Variants in SLC14A2 observed in about 807,000 individuals in gnomAD.
SLC14A2 encodes urea transporter 2.
A neutral mutation model predicts 104.6 loss-of-function variants in SLC14A2; 91 were observed. The ratio of observed to expected loss-of-function variants is 0.87; its 90% confidence interval spans 0.73 to 1.04. SLC14A2 has a LOEUF of 1.04. SLC14A2 is among the 50% of genes least tolerant of loss of function. The pLI, the probability that SLC14A2 is intolerant of heterozygous loss-of-function variation, is 0.00. For synonymous variants in SLC14A2, 476 were observed against 466.4 expected (o/e 1.02, Z -0.27); for missense variants, 1,189 against 1,156.0 (o/e 1.03, Z -0.41).
intron 2 of SLC14A2, among the ~76,000 whole-genome samples, chr18:45,607,951 T>C (rs1389252150): frequency 6.6e-6 from 1 of 152,200 alleles, no homozygotes; most frequent in Non-Finnish European, 1.5e-5. Context: ...GACACAAGAG[T>C]GCCTCTCAGT....
chr18:45,452,292 C>T (rs529017930), intron 1 of SLC14A2, among the ~76,000 whole-genome samples: 2 of 152,262 alleles, frequency 1.3e-5, no homozygotes, highest in East Asian at 3.9e-4. Context: ...GTACTAACAA[C>T]CCAAAATACA....
chr18:45,653,942 C>A (rs2045784851), intron 10 of SLC14A2, among the ~76,000 whole-genome samples: 1 of 152,146 alleles, frequency 6.6e-6, no homozygotes, highest in African/African-American at 2.4e-5. Flanking sequence ...GCTTTAAAGG[C>A]AAATGCTGGA....
intron 1 of SLC14A2, among the ~76,000 whole-genome samples, chr18:45,311,349 C>T (rs1019726457): frequency 3.3e-5 from 5 of 152,186 alleles, no homozygotes; most frequent in African/African-American, 1.2e-4. Flanking sequence ...CACATTTAAT[C>T]CTCTCAGTCA....
intron 1 of SLC14A2, among the ~76,000 whole-genome samples, chr18:45,296,841 G>A (rs1012776863): frequency 2.9e-5 from 4 of 136,310 alleles, no homozygotes; most frequent in Non-Finnish European, 4.7e-5. Context: ...AAAAATGTCA[G>A]TCTCTGCTGG....
At chr18:45,223,512 T>C (rs557442979) in intron 1 of SLC14A2, among the ~76,000 whole-genome samples, 1 of 152,298 alleles carries the variant, frequency 6.6e-6, no homozygotes, top group East Asian at 1.9e-4. Context: ...TACTAATGGA[T>C]AGTCAGAGAG....
At chr18:45,381,861 G>A (rs1427266113) in intron 1 of SLC14A2, among the ~76,000 whole-genome samples, 7 of 152,112 alleles carry the variant, frequency 4.6e-5, no homozygotes, top group Admixed American at 6.5e-5. Context: ...CAGTGGCAGC[G>A]GGCTGGACAG....
At chr18:45,344,970 A>G (rs1481038741) in intron 1 of SLC14A2, among the ~76,000 whole-genome samples, 1 of 152,184 alleles carries the variant, frequency 6.6e-6, no homozygotes, top group African/African-American at 2.4e-5. Flanking sequence ...TTCCCAAGGA[A>G]TTTCCCTCAC....
intron 2 of SLC14A2, among the ~76,000 whole-genome samples, chr18:45,526,412 G>A (rs2043594727): frequency 6.6e-6 from 1 of 152,162 alleles, no homozygotes; most frequent in Non-Finnish European, 1.5e-5. Context: ...ATAGGTTGGT[G>A]CTTTCAGACA....
chr18:45,646,347 A>G (rs1350813678), intron 10 of SLC14A2: 1 of 152,154 alleles, frequency 6.6e-6, no homozygotes, highest in Non-Finnish European at 1.5e-5. Flanking sequence ...GAAAACCTCT[A>G]TAATATTAGG....
intron 1 of SLC14A2, among the ~76,000 whole-genome samples, chr18:45,431,152 A>C (rs1406240801): frequency 6.6e-6 from 1 of 152,224 alleles, no homozygotes; most frequent in Admixed American, 6.5e-5. Context: ...GGTAGAGGGA[A>C]TAGTTCTCTA....
At chr18:45,590,615 G>T (rs189551412) in intron 2 of SLC14A2, among the ~76,000 whole-genome samples, 10 of 152,230 alleles carry the variant, frequency 6.6e-5, no homozygotes, top group Admixed American at 1.3e-4. Flanking sequence ...CACCCTAGGG[G>T]TCTAAAGTCC....
At chr18:45,657,974 G>A (rs918739531) in intron 10 of SLC14A2, among the ~76,000 whole-genome samples, 5 of 152,252 alleles carry the variant, frequency 3.3e-5, no homozygotes, top group Middle Eastern at 3.4e-3. Context: ...CTTCCATGTG[G>A]AGAAACATTG....
intron 1 of SLC14A2, among the ~76,000 whole-genome samples, chr18:45,618,198 T>A (rs1467218095): frequency 6.6e-6 from 1 of 152,200 alleles, no homozygotes; most frequent in Non-Finnish European, 1.5e-5. Flanking sequence ...GATTCCTTCA[T>A]CATTTCAGAG....
At chr18:45,432,993 C>T (rs553242096) in intron 1 of SLC14A2, among the ~76,000 whole-genome samples, 1 of 152,318 alleles carries the variant, frequency 6.6e-6, no homozygotes, top group East Asian at 1.9e-4. Flanking sequence ...CTGTTTTCTA[C>T]TCTTTCTGTC....
At position 45,615,840 on chromosome 18, in the gene SLC14A2, A is replaced by T. The variant is rs145754448; in HGVS notation, c.-35+258A>T. Among the ~76,000 whole-genome samples the T allele has an allele frequency of 0.022, 2,625 of 120,226 alleles. 54 individuals carry two copies. The highest frequency in any genetic ancestry group is 0.051 in the African/African-American group (1,832 of 36,156). 78.9% of individuals were successfully genotyped at this position (120,226 alleles called of 152,430 possible). ...GTATGTGTGTGTGTGTGTGTGTGAG[A>T]GAGAGAGAGAGAGAGAGAGGGAGAG... On this transcript the variant is annotated intron_variant, in intron 1 of 19. Coordinates refer to ENST00000255226, the MANE Select transcript of SLC14A2 (RefSeq NM_007163.4).
intron 2 of SLC14A2, among the ~76,000 whole-genome samples, chr18:45,500,520 T>C (rs1323681101): frequency 1.1e-4 from 15 of 139,000 alleles, no homozygotes; most frequent in African/African-American, 4.1e-4. Context: ...GAGCTTGCAG[T>C]GAGCCGAGAT....
upstream of SLC14A2, among the ~76,000 whole-genome samples, chr18:45,212,840 T>G (rs143447153): frequency 6.6e-6 from 1 of 152,284 alleles, no homozygotes; most frequent in Non-Finnish European, 1.5e-5. Flanking sequence ...CTATACAGAA[T>G]TGTGAAAACT....
At chr18:45,339,715 G>T (rs2085374463) in intron 1 of SLC14A2, among the ~76,000 whole-genome samples, 1 of 152,248 alleles carries the variant, frequency 6.6e-6, no homozygotes, top group Non-Finnish European at 1.5e-5. Flanking sequence ...AAAGGAAAGA[G>T]CAGGTTGTGT....
At chr18:45,205,961 C>G in the SLC14A2 span, among the ~76,000 whole-genome samples, 1 of 152,164 alleles carries the variant, frequency 6.6e-6, no homozygotes, top group Non-Finnish European at 1.5e-5. Context: ...TCCACCAGTT[C>G]CAGCCTAGAG....
Sources: gnomAD v4.1 joint callset for allele counts (sites outside exome capture counted in the v4.1 genomes callset) on GRCh38, gnomAD v4.1.1 for gene constraint, MANE v1.5 for transcripts, NCBI Gene and HGNC (gene_info 2026-07-23, HGNC 2026-07-21) for gene names.